SMC5: variants seen among roughly 807,000 people sequenced by gnomAD.
The protein encoded by SMC5 is structural maintenance of chromosomes 5.
In SMC5, 88 loss-of-function variants were observed where a neutral mutation model predicts 148.3. That is an observed-to-expected ratio of 0.59 (90% confidence interval 0.50 to 0.71). The LOEUF is 0.71. Ranked by LOEUF, SMC5 falls within the 30% of genes least tolerant of loss-of-function variation. The pLI is 0.00. For synonymous variants in SMC5, 421 were observed against 432.8 expected (o/e 0.97, Z 0.34); for missense variants, 1,142 against 1,298.9 (o/e 0.88, Z 1.86).
chr9:70,314,005 G>T (rs749116299), intron 11 of SMC5, among the ~76,000 whole-genome samples: 1 of 152,110 alleles, frequency 6.6e-6, no homozygotes, highest in Non-Finnish European at 1.5e-5. Flanking sequence ...CCTTCCACTT[G>T]TTGCTTTCCT....
intron 13 of SMC5, among the ~76,000 whole-genome samples, chr9:70,317,393 T>C (rs2035830867): frequency 6.6e-6 from 1 of 152,202 alleles, no homozygotes; most frequent in Non-Finnish European, 1.5e-5. Context: ...ATGTCACTTT[T>C]ATGGGAAGTG....
intron 15 of SMC5, 22 bp downstream of exon 15, chr9:70,318,985 G>T (rs772294080): frequency 6.3e-7 from 1 of 1,583,112 alleles, no homozygotes; most frequent in Non-Finnish European, 8.6e-7. Flanking sequence ...CCTATTCAGG[G>T]GGGAGAGCAC....
chr9:70,286,355 G>A (rs2034901923), intron 8 of SMC5, 84 bp downstream of exon 8: 5 of 829,806 alleles, frequency 6.0e-6, no homozygotes, highest in Middle Eastern at 2.7e-4. Context: ...ACAGATTCTT[G>A]TTGGGGAATG....
chr9:70,287,130 T>A (rs2034925840), intron 8 of SMC5, among the ~76,000 whole-genome samples: 1 of 152,242 alleles, frequency 6.6e-6, no homozygotes, highest in South Asian at 2.1e-4. Context: ...TTTAGCCTAC[T>A]GCAGGTAATT....
chr9:70,312,362 A>G (rs1368662452), intron 11 of SMC5, among the ~76,000 whole-genome samples: 2 of 152,164 alleles, frequency 1.3e-5, no homozygotes, highest in Non-Finnish European at 2.9e-5. Context: ...ATCACGAAAC[A>G]GCATGGGGGA....
At chr9:70,323,710 A>G (rs903835855) in intron 16 of SMC5, 104 bp downstream of exon 16, 22 of 1,276,106 alleles carry the variant, frequency 1.7e-5, no homozygotes, top group African/African-American at 3.0e-5. Context: ...GGTTTTTGAC[A>G]TTTTAGTTAT....
intron 7 of SMC5, among the ~76,000 whole-genome samples, chr9:70,284,649 C>T (rs1419507492): frequency 1.3e-5 from 2 of 152,240 alleles, no homozygotes; most frequent in East Asian, 3.9e-4. Context: ...ATATTAGGCT[C>T]ATTGTCAAAC....
At chr9:70,305,649 A>G (rs532134418) in intron 11 of SMC5, among the ~76,000 whole-genome samples, 4 of 152,380 alleles carry the variant, frequency 2.6e-5, no homozygotes, top group South Asian at 4.1e-4. Flanking sequence ...AAAACAAAAC[A>G]TAATGATGGA....
chr9:70,306,275 A>C (rs2118481460), intron 11 of SMC5, among the ~76,000 whole-genome samples: 1 of 152,206 alleles, frequency 6.6e-6, no homozygotes, highest in South Asian at 2.1e-4. Flanking sequence ...TAATTGGTCT[A>C]AGTGAGGAGA....
At chr9:70,281,041 G>T (rs1055815588) in intron 6 of SMC5, 142 bp downstream of exon 6, 12 of 839,398 alleles carry the variant, frequency 1.4e-5, no homozygotes, top group Admixed American at 6.1e-5. Context: ...TAAAATTCAT[G>T]TCTTTTTTTT....
intron 17 of SMC5, among the ~76,000 whole-genome samples, chr9:70,328,977 G>A (rs2036154974): frequency 6.6e-6 from 1 of 152,200 alleles, no homozygotes; most frequent in African/African-American, 2.4e-5. Context: ...TGAAGTAATG[G>A]CCTGAGCTAT....
intron 3 of SMC5, among the ~76,000 whole-genome samples, chr9:70,273,760 T>C (rs1374433263): frequency 6.6e-6 from 1 of 152,212 alleles, no homozygotes; most frequent in African/African-American, 2.4e-5. Flanking sequence ...ACTTTGATTG[T>C]AGTGCAGTTA....
intron 8 of SMC5, among the ~76,000 whole-genome samples, chr9:70,295,947 T>C (rs1299618009): frequency 2.6e-5 from 4 of 152,200 alleles, no homozygotes; most frequent in African/African-American, 9.7e-5. Context: ...TTTCCTATTA[T>C]CTGCTTTTAG....
At chr9:70,313,065 A>G (rs749276457) in intron 11 of SMC5, among the ~76,000 whole-genome samples, 5 of 152,188 alleles carry the variant, frequency 3.3e-5, no homozygotes, top group Admixed American at 6.5e-5. Context: ...GAGTTTCTCT[A>G]CTACATATAA....
Position 70,318,529 on chromosome 9 carries a change from C to T in SMC5, c.1822C>T (p.Arg608Ter), listed in dbSNP as rs2035867216. The T allele has an allele frequency of 3.8e-6, 6 of 1,597,774 alleles. No homozygotes were observed. Among genetic ancestry groups the T allele is most frequent in the Non-Finnish European group, 5.1e-6 (6 of 1,172,890 alleles). Residue 608 changes from arginine to a stop codon, truncating the protein, a stop_gained, in exon 14 of 25, where the codon CGA becomes TGA. Coordinates refer to ENST00000361138, the MANE Select transcript of SMC5 (RefSeq NM_015110.4). LOFTEE classifies it high-confidence loss of function. ...ERIERVIQET[R>*]LKQIYTAEEK... is the part of the protein sequence containing the mutation. The stretch of plus-strand genomic sequence containing the variant: ...TACGTTATAGGTAATACAAGAAACC[C>T]GATTAAAACAGATTTATACAGCAGA...
chr9:70,345,134 A>C (rs774663329), intron 18 of SMC5, among the ~76,000 whole-genome samples: 28 of 151,908 alleles, frequency 1.8e-4, no homozygotes, highest in African/African-American at 5.8e-4. Flanking sequence ...ATGTCTTCAG[A>C]ATACATTGTG....
chr9:70,268,050 GAA>G, intron 3 of SMC5, 75 bp downstream of exon 3: 1 of 1,160,792 alleles, frequency 8.6e-7, no homozygotes, highest in Non-Finnish European at 1.3e-6. Flanking sequence ...CTGATGATTA[GAA>G]AAGAGTATTA....
intron 22 of SMC5, among the ~76,000 whole-genome samples, chr9:70,349,331 TGCTGGGATTACAGGCATGA>T (rs2036749193): frequency 1.3e-5 from 2 of 152,126 alleles, no homozygotes; most frequent in Non-Finnish European, 2.9e-5. Context: ...CCTCCCAAAT[TGCTGGGATTACAGGCATGA>T]GCCACCACAC....
chr9:70,326,596 CTT>C (rs551424297), intron 17 of SMC5, among the ~76,000 whole-genome samples: 6 of 126,612 alleles, frequency 4.7e-5, no homozygotes, highest in African/African-American at 8.6e-5. Context: ...AAACCAGAAT[CTT>C]TTTTTTTTTT....
Sources: gnomAD v4.1 joint callset for allele counts (sites outside exome capture counted in the v4.1 genomes callset) on GRCh38, gnomAD v4.1.1 for gene constraint, MANE v1.5 for transcripts, NCBI Gene and HGNC (gene_info 2026-07-23, HGNC 2026-07-21) for gene names.